KDM4C: variants seen among roughly 807,000 people sequenced by gnomAD.
The protein encoded by KDM4C is lysine demethylase 4C.
Under a neutral mutation model 129.3 loss-of-function variants are expected in KDM4C, and 81 were observed. The ratio of observed to expected loss-of-function variants is 0.63; its 90% CI spans 0.52 to 0.75. The LOEUF (loss-of-function observed/expected upper bound fraction) is 0.75. Among genes scored for constraint, KDM4C ranks in the 30% least tolerant of loss-of-function variants. The probability of loss-of-function intolerance (pLI) is 0.00; values close to 1 mark genes in which losing one functional copy is unlikely to be tolerated. For synonymous variants in KDM4C, 573 were observed against 456.1 expected (o/e 1.26, Z -3.26); for missense variants, 1,457 against 1,304.0 (o/e 1.12, Z -1.81).
intron 12 of KDM4C, among the ~76,000 whole-genome samples, chr9:7,008,951 A>AT (rs1175021199): frequency 6.6e-6 from 1 of 152,228 alleles, no homozygotes; most frequent in Non-Finnish European, 1.5e-5. Flanking sequence ...CTTCAAATGC[A>AT]TGGATACCAA....
At chr9:7,031,859 A>G (rs74449007) in intron 15 of KDM4C, among the ~76,000 whole-genome samples, 9,797 of 152,254 alleles carry the variant, frequency 0.064, 464 homozygotes, top group African/African-American at 0.13. Context: ...ATTAACTTCC[A>G]GAACTATCTG....
chr9:6,966,945 CGTTAAA>C (rs1481895376), intron 8 of KDM4C, among the ~76,000 whole-genome samples: 2 of 152,072 alleles, frequency 1.3e-5, no homozygotes, highest in African/African-American at 4.8e-5. Context: ...TTTAGGGTCT[CGTTAAA>C]GTTAAAAACT....
upstream of KDM4C, among the ~76,000 whole-genome samples, chr9:6,755,844 T>C (rs1406222943): frequency 2.0e-5 from 3 of 152,234 alleles, no homozygotes; most frequent in Non-Finnish European, 4.4e-5. Context: ...GTAGGCTCTC[T>C]TCACTTTCCA....
At chr9:6,852,010 T>A (rs759427193) in intron 5 of KDM4C, among the ~76,000 whole-genome samples, 13 of 152,216 alleles carry the variant, frequency 8.5e-5, no homozygotes, top group Non-Finnish European at 1.5e-4. Context: ...CCTTGGCCAT[T>A]GTTTATAATG....
intron 1 of KDM4C, among the ~76,000 whole-genome samples, chr9:6,765,867 C>A (rs1487367200): frequency 1.3e-5 from 2 of 152,054 alleles, no homozygotes; most frequent in Non-Finnish European, 2.9e-5. Flanking sequence ...CGGCTCACTG[C>A]AACCTTCACC....
intron 4 of KDM4C, among the ~76,000 whole-genome samples, chr9:6,819,466 C>T (rs1321540880): frequency 6.6e-6 from 1 of 152,158 alleles, no homozygotes; most frequent in African/African-American, 2.4e-5. Flanking sequence ...GGGAATGTAT[C>T]ATTTTGGTAG....
chr9:6,958,250 G>C (rs918126888), intron 8 of KDM4C, among the ~76,000 whole-genome samples: 1 of 152,008 alleles, frequency 6.6e-6, no homozygotes, highest in Non-Finnish European at 1.5e-5. Flanking sequence ...ATTTTTACTA[G>C]AAATTATTTA....
intron 8 of KDM4C, among the ~76,000 whole-genome samples, chr9:6,972,756 T>C (rs1236723923): frequency 1.3e-5 from 2 of 152,228 alleles, no homozygotes; most frequent in African/African-American, 4.8e-5. Context: ...TTAAACTGAT[T>C]TAAATCCAGT....
chr9:6,844,095 C>T (rs113804882), intron 4 of KDM4C, among the ~76,000 whole-genome samples: 659 of 152,264 alleles, frequency 4.3e-3, no homozygotes, highest in South Asian at 0.017. Context: ...CCTCAGCCTC[C>T]TAAAGTGCTG....
intron 15 of KDM4C, among the ~76,000 whole-genome samples, chr9:7,028,762 C>G (rs1826224681): frequency 6.6e-6 from 1 of 152,118 alleles, no homozygotes; most frequent in Non-Finnish European, 1.5e-5. Context: ...TGATCTCCCT[C>G]TGACGTGGAC....
chr9:6,962,475 C>T (rs768127396), intron 8 of KDM4C, among the ~76,000 whole-genome samples: 7 of 152,110 alleles, frequency 4.6e-5, no homozygotes, highest in African/African-American at 1.7e-4. Context: ...GAAGTCAACA[C>T]TTTATGGTTT....
At chr9:6,921,604 A>C (rs1162812261) in intron 8 of KDM4C, among the ~76,000 whole-genome samples, 1 of 152,216 alleles carries the variant, frequency 6.6e-6, no homozygotes, top group Non-Finnish European at 1.5e-5. Flanking sequence ...AGTGGGTTTC[A>C]CAGTCTTACT....
chr9:7,076,604 C>A, intron 17 of KDM4C: 1 of 1,438,484 alleles, frequency 7.0e-7, no homozygotes, highest in Non-Finnish European at 9.1e-7. Context: ...GATGGGGATA[C>A]AATAGCCTGA....
intron 19 of KDM4C, among the ~76,000 whole-genome samples, chr9:7,133,619 C>A (rs79254388): frequency 0.015 from 2,255 of 152,264 alleles, 62 homozygotes; most frequent in African/African-American, 0.05. Flanking sequence ...TGTTCCATTG[C>A]TTATTGCCTT....
chr9:6,806,061 G>A (rs187093692), intron 3 of KDM4C, among the ~76,000 whole-genome samples: 3 of 152,216 alleles, frequency 2.0e-5, no homozygotes, highest in South Asian at 2.1e-4. Flanking sequence ...ATGTTTGTTG[G>A]GCAGTTTTTT....
chr9:6,720,913 T>C (rs1816925840), exon 1 of KDM4C: 1 of 1,544,376 alleles, frequency 6.5e-7, no homozygotes, highest in African/African-American at 1.4e-5. Context: ...AGTTGGAGTG[T>C]TCTGCATTCA....
At chr9:6,895,652 C>T (rs1354421742) in intron 8 of KDM4C, among the ~76,000 whole-genome samples, 1 of 152,094 alleles carries the variant, frequency 6.6e-6, no homozygotes, top group African/African-American at 2.4e-5. Flanking sequence ...CTATAACTAG[C>T]ACTTTGGGAG....
chr9:6,932,743 G>T lies in KDM4C; in HGVS notation c.921+39511G>T, dbSNP rs115102576. ...TGATTTTGTCTCATAAAGGACATTT[G>T]ACCACGTTTAGGGGCATTTTTTTGA... On this transcript the variant is annotated intron_variant, in intron 8 of 21. Transcript: ENST00000381309. Among the ~76,000 whole-genome samples, 1,515 of 152,252 alleles carry T rather than the reference G, an allele frequency of 1.0e-2. 30 individuals are homozygous for T. Among genetic ancestry groups the T allele is most frequent in the African/African-American group, 0.034 (1,432 of 41,538 alleles).
At chr9:6,903,929 A>T (rs1188782427) in intron 8 of KDM4C, among the ~76,000 whole-genome samples, 1 of 152,196 alleles carries the variant, frequency 6.6e-6, no homozygotes, top group Non-Finnish European at 1.5e-5. Flanking sequence ...TGTCTTTAAT[A>T]TATCATTCTG....
Sources: allele counts gnomAD v4.1 joint callset (sites outside exome capture counted in the v4.1 genomes callset), GRCh38; gene constraint gnomAD v4.1.1; transcripts MANE v1.5; gene names NCBI Gene and HGNC (gene_info 2026-07-23, HGNC 2026-07-21).